DPH6: variants seen among roughly 807,000 people sequenced by gnomAD.
DPH6 encodes the protein diphthine--ammonia ligase.
In DPH6, 33 loss-of-function variants were observed where a neutral mutation model predicts 38.2. The observed-to-expected ratio is 0.86, with a 90% CI of 0.65 to 1.15. The LOEUF (loss-of-function observed/expected upper bound fraction) is 1.15, where lower values mean the gene tolerates loss of function less well. Ranked by LOEUF, DPH6 falls within the 50% of genes most tolerant of loss-of-function variation. DPH6 has a pLI of 0.00. For synonymous variants in DPH6, 108 were observed against 103.0 expected, an observed-to-expected ratio of 1.05 and a Z score of -0.30; for missense variants, 325 against 320.0, an observed-to-expected ratio of 1.02 and a Z score of -0.12.
At chr15:35,537,659 T>C (rs1328450862) in intron 3 of DPH6, among the ~76,000 whole-genome samples, 1 of 152,154 alleles carries the variant, frequency 6.6e-6, no homozygotes, top group Admixed American at 6.5e-5. Context: ...TTCCAACAGA[T>C]TTAAGCAAGG....
At chr15:35,350,127 C>T (rs965415662) in intron 3 of DPH6, among the ~76,000 whole-genome samples, 1 of 152,070 alleles carries the variant, frequency 6.6e-6, no homozygotes, top group Non-Finnish European at 1.5e-5. Context: ...TCTCCTTACT[C>T]GTTATTGGTC....
At chr15:35,264,235 T>C (rs777244458) in intron 3 of DPH6, among the ~76,000 whole-genome samples, 25 of 152,184 alleles carry the variant, frequency 1.6e-4, no homozygotes, top group Non-Finnish European at 3.2e-4. Context: ...AATAAAGTTT[T>C]ATTTGTTTTC....
chr15:35,490,437 C>T (rs1441840881), intron 3 of DPH6, among the ~76,000 whole-genome samples: 1 of 152,150 alleles, frequency 6.6e-6, no homozygotes, highest in Admixed American at 6.5e-5. Flanking sequence ...CATATAATGA[C>T]AGCAATCTGC....
rs867414215 is a variant in DPH6, at chr15:35,371,977, G to A, written c.*173C>T. The A allele has an allele frequency of 5.1e-5, 67 of 1,310,744 alleles. No homozygotes were observed. In the African/African-American group the frequency reaches 7.8e-4, roughly 15 times the overall value. 81.2% of individuals were successfully genotyped at this position (1,310,744 alleles called of 1,614,324 possible). On this transcript the variant is annotated 3_prime_UTR_variant, in exon 9 of 9. Coordinates refer to ENST00000256538, the MANE Select transcript of DPH6 (RefSeq NM_080650.4). ...TGGCACTATTAATGAACATGCCGTC[G>A]ACATTTTCCCAATTAATAAATGGTT...
chr15:35,344,034 A>T (rs1213836486), intron 3 of DPH6, among the ~76,000 whole-genome samples: 1 of 152,056 alleles, frequency 6.6e-6, no homozygotes, highest in Non-Finnish European at 1.5e-5. Flanking sequence ...GTTTAATAAC[A>T]GTTATGTGTT....
At chr15:35,498,966 A>AG (rs1424581505) in intron 3 of DPH6, among the ~76,000 whole-genome samples, 1 of 147,816 alleles carries the variant, frequency 6.8e-6, no homozygotes, top group Non-Finnish European at 1.5e-5. Flanking sequence ...AAAAAAAAAA[A>AG]GTATCCCGTT....
At chr15:35,415,264 G>GTGTA (rs1555399993) in intron 5 of DPH6, among the ~76,000 whole-genome samples, 2 of 151,874 alleles carry the variant, frequency 1.3e-5, no homozygotes, top group Admixed American at 6.6e-5. Context: ...GTGTGTGTGT[G>GTGTA]TAACAACACA....
intron 5 of DPH6, among the ~76,000 whole-genome samples, chr15:35,424,598 A>G (rs1371817959): frequency 6.6e-6 from 1 of 151,580 alleles, no homozygotes; most frequent in South Asian, 2.1e-4. Flanking sequence ...AATGTTTAAT[A>G]TAAGTGGCAA....
chr15:35,380,856 C>A (rs1005800307), intron 7 of DPH6, among the ~76,000 whole-genome samples: 3 of 152,024 alleles, frequency 2.0e-5, no homozygotes, highest in African/African-American at 7.3e-5. Context: ...CCCAGGAGAA[C>A]ACTTTGGATG....
intron 3 of DPH6, among the ~76,000 whole-genome samples, chr15:35,288,633 G>A (rs1457153792): frequency 2.0e-5 from 3 of 152,074 alleles, no homozygotes; most frequent in East Asian, 1.9e-4. Context: ...TGACCTGCCC[G>A]TGGGACATGA....
intron 3 of DPH6, among the ~76,000 whole-genome samples, chr15:35,256,845 T>C (rs558200912): frequency 6.6e-6 from 1 of 152,324 alleles, no homozygotes; most frequent in East Asian, 1.9e-4. Context: ...ATATCTGGTA[T>C]GTGTGTAAGT....
At chr15:35,336,833 C>A in intron 3 of DPH6, among the ~76,000 whole-genome samples, 1 of 152,092 alleles carries the variant, frequency 6.6e-6, no homozygotes, top group Non-Finnish European at 1.5e-5. Flanking sequence ...TGATGTGCTG[C>A]TGGATTTGGT....
At chr15:35,537,876 T>C (rs1566944826) in intron 3 of DPH6, among the ~76,000 whole-genome samples, 3 of 152,060 alleles carry the variant, frequency 2.0e-5, no homozygotes, top group Non-Finnish European at 4.4e-5. Context: ...TGAGCTCCAT[T>C]AGAATAAGCC....
intron 3 of DPH6, among the ~76,000 whole-genome samples, chr15:35,506,848 A>C (rs2054701187): frequency 6.6e-6 from 1 of 152,192 alleles, no homozygotes; most frequent in South Asian, 2.1e-4. Context: ...GGCAAAGGGT[A>C]ATCATACATT....
intron 3 of DPH6, among the ~76,000 whole-genome samples, chr15:35,502,680 G>A (rs1265385178): frequency 6.6e-6 from 1 of 151,578 alleles, no homozygotes; most frequent in Non-Finnish European, 1.5e-5. Context: ...ATCTAAAAAA[G>A]CTAACTGGAG....
At chr15:35,427,911 G>C (rs1396847781) in intron 5 of DPH6, among the ~76,000 whole-genome samples, 1 of 151,634 alleles carries the variant, frequency 6.6e-6, no homozygotes, top group Non-Finnish European at 1.5e-5. Context: ...CAGAAGCATA[G>C]ATCACCTTCA....
At chr15:35,147,821 G>T in the DPH6 span, among the ~76,000 whole-genome samples, 1 of 152,294 alleles carries the variant, frequency 6.6e-6, no homozygotes, top group African/African-American at 2.4e-5. Context: ...CATTAATATA[G>T]AAGAACTAGA....
chr15:35,447,408 C>T (rs2053868514), intron 5 of DPH6, among the ~76,000 whole-genome samples: 1 of 152,150 alleles, frequency 6.6e-6, no homozygotes, highest in Non-Finnish European at 1.5e-5. Context: ...CTTGAATTCA[C>T]TTATAATGCC....
At chr15:35,474,028 G>A (rs921451638) in intron 3 of DPH6, among the ~76,000 whole-genome samples, 1 of 151,774 alleles carries the variant, frequency 6.6e-6, no homozygotes, top group African/African-American at 2.4e-5. Context: ...TGACAATATT[G>A]GTTGGGTTGG....
Sources: allele counts gnomAD v4.1 joint callset (sites outside exome capture counted in the v4.1 genomes callset), GRCh38; gene constraint gnomAD v4.1.1; transcripts MANE v1.5; gene names NCBI Gene and HGNC (gene_info 2026-07-23, HGNC 2026-07-21).